GLIS3: variants seen among roughly 807,000 people sequenced by gnomAD.
GLIS3 encodes GLIS family zinc finger 3, also known as zinc finger protein GLIS3.
Under a neutral mutation model 78.6 loss-of-function variants are expected in GLIS3, and 53 were observed. That is an observed-to-expected ratio of 0.67 (90% CI 0.54 to 0.85). The LOEUF (loss-of-function observed/expected upper bound fraction) is 0.85, where lower values mean the gene tolerates loss of function less well. GLIS3 is among the 40% of genes least tolerant of loss of function. The pLI, the probability that GLIS3 is intolerant of heterozygous loss-of-function variation, is 0.00. For synonymous variants in GLIS3, 684 were observed against 509.9 expected, an observed-to-expected ratio of 1.34 and a Z score of -4.60; for missense variants, 1,703 against 1,231.1, an observed-to-expected ratio of 1.38 and a Z score of -5.74.
chr9:3,900,571 T>G (rs1823218584), intron 6 of GLIS3, among the ~76,000 whole-genome samples: 1 of 152,188 alleles, frequency 6.6e-6, no homozygotes, highest in South Asian at 2.1e-4. Flanking sequence ...TTAAAATGTC[T>G]TAAATGTCCA....
chr9:4,302,366 G>A (rs138919131), upstream of GLIS3, among the ~76,000 whole-genome samples: 158 of 152,284 alleles, frequency 1.0e-3, no homozygotes, highest in African/African-American at 3.5e-3. Context: ...TCAGCAGACA[G>A]GCCCCTGCTG....
chr9:4,206,490 C>G (rs1020203750), intron 2 of GLIS3, among the ~76,000 whole-genome samples: 2 of 152,182 alleles, frequency 1.3e-5, no homozygotes, highest in African/African-American at 4.8e-5. Context: ...AGAGGCGTAG[C>G]TTTATGAACT....
intron 2 of GLIS3, among the ~76,000 whole-genome samples, chr9:4,167,296 G>T (rs1191383439): frequency 6.6e-6 from 1 of 152,082 alleles, no homozygotes; most frequent in African/African-American, 2.4e-5. Flanking sequence ...GATCCTGTGT[G>T]GGAGGTAACT....
At chr9:4,002,966 G>A (rs1821234228) in intron 4 of GLIS3, among the ~76,000 whole-genome samples, 1 of 152,232 alleles carries the variant, frequency 6.6e-6, no homozygotes, top group African/African-American at 2.4e-5. Flanking sequence ...TAAAGCCATA[G>A]TTGCATACTT....
At chr9:4,161,393 C>G (rs751832927) in intron 2 of GLIS3, among the ~76,000 whole-genome samples, 3 of 152,046 alleles carry the variant, frequency 2.0e-5, no homozygotes, top group Non-Finnish European at 4.4e-5. Flanking sequence ...TGATCATGGA[C>G]AATAAGAATA....
At chr9:4,409,170 C>T in the GLIS3 span, among the ~76,000 whole-genome samples, 18 of 152,296 alleles carry the variant, frequency 1.2e-4, no homozygotes, top group African/African-American at 4.3e-4. Context: ...AAGACCTTAA[C>T]TTCTCCTCTT....
At chr9:4,047,161 C>T (rs1247944134) in intron 4 of GLIS3, among the ~76,000 whole-genome samples, 2 of 152,120 alleles carry the variant, frequency 1.3e-5, no homozygotes, top group Admixed American at 1.3e-4. Context: ...TGAGTGAGTT[C>T]TCATGAGAGC....
At chr9:4,431,378 T>A in the GLIS3 span, among the ~76,000 whole-genome samples, 11 of 152,184 alleles carry the variant, frequency 7.2e-5, no homozygotes, top group Non-Finnish European at 1.6e-4. Context: ...GAGATTTTGG[T>A]GTATTAACAG....
the GLIS3 span, among the ~76,000 whole-genome samples, chr9:4,488,207 G>A: frequency 2.6e-5 from 4 of 152,162 alleles, no homozygotes; most frequent in South Asian, 2.1e-4. Context: ...CTACCATCTC[G>A]GCTTCCCAAA....
intron 9 of GLIS3, among the ~76,000 whole-genome samples, 167 bp from the exon 10 acceptor site, chr9:3,829,659 G>A (rs540522622): frequency 6.6e-6 from 1 of 152,224 alleles, no homozygotes; most frequent in East Asian, 1.9e-4. Context: ...TGCACTGTTG[G>A]GCTGAAGCTC....
chr9:3,914,487 A>T (rs549734439), intron 6 of GLIS3, among the ~76,000 whole-genome samples: 1 of 152,220 alleles, frequency 6.6e-6, no homozygotes, highest in African/African-American at 2.4e-5. Flanking sequence ...TCTTTATAAT[A>T]TTCAACCCAC....
At position 3,928,101 on chromosome 9, in the gene GLIS3, T is replaced by TA. The variant is rs567137337; in HGVS notation, c.1983+4258dup. On this transcript the variant is annotated intron_variant, in intron 6 of 10. Coordinates refer to ENST00000381971, the MANE Select transcript of GLIS3 (RefSeq NM_001042413.2). ...AGTACAGAAGTTTGTGACTCGCTTT[T>TA]AAAAAATCAGTGCCGTTTCAATGTC... Among the ~76,000 whole-genome samples the TA allele has an allele frequency of 2.6e-5, 4 of 152,304 alleles. No individual in the cohort carries two copies. In the South Asian group the frequency reaches 8.3e-4, roughly 32 times the overall value.
At chr9:4,378,059 A>G in the GLIS3 span, among the ~76,000 whole-genome samples, 2 of 152,312 alleles carry the variant, frequency 1.3e-5, no homozygotes, top group East Asian at 3.8e-4. Context: ...CCACAGAACC[A>G]TTAAAAGATT....
the GLIS3 span, among the ~76,000 whole-genome samples, chr9:4,392,969 C>G: frequency 6.6e-6 from 1 of 151,034 alleles, no homozygotes; most frequent in South Asian, 2.1e-4. Context: ...TGGATCTTAA[C>G]TTGTTTTTTA....
chr9:4,004,072 G>A (rs996851467), intron 4 of GLIS3, among the ~76,000 whole-genome samples: 5 of 152,138 alleles, frequency 3.3e-5, no homozygotes, highest in Non-Finnish European at 7.3e-5. Flanking sequence ...TGGGGCAAAG[G>A]GAAACCACAG....
chr9:4,162,235 A>T (rs1835538741), intron 2 of GLIS3, among the ~76,000 whole-genome samples: 2 of 152,058 alleles, frequency 1.3e-5, no homozygotes, highest in African/African-American at 2.4e-5. Context: ...TAAGAACATC[A>T]ATTACTGGAT....
chr9:4,380,303 T>C, the GLIS3 span, among the ~76,000 whole-genome samples: 2 of 152,206 alleles, frequency 1.3e-5, no homozygotes, highest in Admixed American at 6.5e-5. Context: ...CTATTATATG[T>C]AATAAAAATC....
At position 4,118,812 on chromosome 9, in the gene GLIS3, G is replaced by A; in HGVS notation, c.666C>T (p.Ser222=). Residue 222 remains serine, a synonymous_variant, in exon 4 of 11, where the codon AGC becomes AGT. Coordinates refer to ENST00000381971, the MANE Select transcript of GLIS3 (RefSeq NM_001042413.2). This position sits in a 1 kb window ranked among gnomAD's most constrained non-coding sequence, Gnocchi z 4.7. ...LSLTESQSAS[S]MKQEWSQGYR... is the part of the protein sequence containing the mutation. ...AGCCCTGGGACCACTCCTGCTTCAT[G>A]CTTGAGGCCGACTGACTTTCCGTCA... 1 of 1,608,834 alleles carries A rather than the reference G, an allele frequency of 6.2e-7. No homozygotes were observed. Among genetic ancestry groups the A allele is most frequent in the Non-Finnish European group, 8.5e-7 (1 of 1,180,008 alleles).
chr9:3,938,720 A>G (rs1236872354), intron 4 of GLIS3, among the ~76,000 whole-genome samples: 3 of 152,138 alleles, frequency 2.0e-5, no homozygotes, highest in Non-Finnish European at 2.9e-5. Flanking sequence ...TGTTTTCCTG[A>G]TTTCTATTTC....
Sources: allele counts gnomAD v4.1 joint callset (sites outside exome capture counted in the v4.1 genomes callset), GRCh38; gene constraint gnomAD v4.1.1; non-coding constraint Gnocchi (gnomAD v3.1); transcripts MANE v1.5; gene names NCBI Gene and HGNC (gene_info 2026-07-23, HGNC 2026-07-21).